The following URI1 variants were observed in gnomAD, a reference collection of about 807,000 sequenced individuals.
URI1 encodes unconventional prefoldin RPB5 interactor 1.
Under a neutral mutation model 60.2 loss-of-function variants are expected in URI1, and 39 were observed. The observed-to-expected ratio is 0.65, with a 90% CI of 0.50 to 0.85. The LOEUF is 0.85. URI1 is among the 40% of genes least tolerant of loss of function. The pLI is 0.00. For synonymous variants in URI1, 251 were observed against 236.8 expected, an observed-to-expected ratio of 1.06 and a Z score of -0.55; for missense variants, 691 against 665.9, an observed-to-expected ratio of 1.04 and a Z score of -0.42.
At chr19:29,949,068 C>T (rs563497577) in intron 1 of URI1, among the ~76,000 whole-genome samples, 81 of 149,800 alleles carry the variant, frequency 5.4e-4, no homozygotes, top group Non-Finnish European at 9.5e-4. Context: ...CCCCGCCTCC[C>T]GGACGGGGCT....
In URI1 at chr19:30,009,211, G is replaced by GTGATGATGATGATGA. The variant is rs3840928; in HGVS notation, c.906_920dup (p.Asp307_Asp311dup). 3 of 1,444,292 alleles carry GTGATGATGATGATGA rather than the reference G, an allele frequency of 2.1e-6. No homozygotes were observed. The African/African-American group carries it at 4.1e-5, about 20-fold the overall frequency. 89.5% of individuals were successfully genotyped at this position (1,444,292 alleles called of 1,614,324 possible). A position where few individuals can be genotyped will look rare whatever the true frequency, so the allele number is the denominator to read the frequency against. On this transcript the variant is annotated inframe_insertion, in exon 8 of 11. Transcript: ENST00000392271. ...GTGAATGGTTCCAGTTCTTACCACA[G>GTGATGATGATGATGA]TGATGATGATGATGATGATGATGAT...
At chr19:29,935,425 A>T (rs2054960343) in intron 1 of URI1, among the ~76,000 whole-genome samples, 1 of 152,200 alleles carries the variant, frequency 6.6e-6, no homozygotes, top group Non-Finnish European at 1.5e-5. Flanking sequence ...GTGAAAAACA[A>T]AGTATTATGA....
chr19:29,956,705 A>C, intron 1 of URI1: 1 of 1,551,688 alleles, frequency 6.4e-7, no homozygotes, highest in Non-Finnish European at 8.9e-7. Flanking sequence ...GTGAGCATAC[A>C]CAGACCTCAT....
At chr19:29,986,510 T>C in intron 4 of URI1, 93 bp downstream of exon 4, 1 of 1,447,992 alleles carries the variant, frequency 6.9e-7, no homozygotes, top group Non-Finnish European at 9.3e-7. Context: ...AAAAGTACCT[T>C]CCGTGATCTA....
intron 1 of URI1, among the ~76,000 whole-genome samples, chr19:29,948,915 C>T (rs986399790): frequency 1.3e-4 from 19 of 151,646 alleles, no homozygotes; most frequent in Non-Finnish European, 1.3e-4. Flanking sequence ...GAAGGGGCGG[C>T]CGGGCAGAGG....
intron 1 of URI1, among the ~76,000 whole-genome samples, chr19:29,947,635 C>T (rs2055119078): frequency 6.6e-6 from 1 of 152,108 alleles, no homozygotes; most frequent in Non-Finnish European, 1.5e-5. Flanking sequence ...GAAATACCTG[C>T]TCATCTGTTA....
chr19:29,989,337 T>G (rs1478492285), intron 4 of URI1, among the ~76,000 whole-genome samples: 2 of 151,930 alleles, frequency 1.3e-5, no homozygotes, highest in Non-Finnish European at 2.9e-5. Flanking sequence ...GGTCTTGAAC[T>G]CCTGACCTCA....
chr19:29,942,298 C>G lies in URI1; in HGVS notation c.-250C>G, dbSNP rs1246093342. The G allele has an allele frequency of 5.1e-6, 5 of 985,072 alleles. No homozygotes were observed. Among genetic ancestry groups the G allele is most frequent in the Non-Finnish European group, 6.0e-6 (5 of 829,692 alleles). The allele number at this position is 985,072 out of a possible 1,614,324, so 61.0% of individuals were successfully genotyped here. ...CTGGGCCCGCACCGGAGAGGCGTCT[C>G]GGTACCTGGCAGGCGGCCTGCTACT... On this transcript the variant is annotated 5_prime_UTR_variant, in exon 1 of 11. Transcript: ENST00000392271.
At position 30,013,978 on chromosome 19, in the gene URI1, A is replaced by G. The variant is rs567285553; in HGVS notation, c.1426-909A>G. Among the ~76,000 whole-genome samples, 239 of 151,944 alleles carry G rather than the reference A, an allele frequency of 1.6e-3. 1 individual carries two copies. Among genetic ancestry groups the G allele is most frequent in the African/African-American group, 5.5e-3 (227 of 41,488 alleles). ...TACGTTGTTTTAACTAATTTTGAGC[A>G]CTTGGTAGACAGAGGAGAACAAAAT... On this transcript the variant is annotated intron_variant, in intron 10 of 10. Coordinates refer to ENST00000392271, the MANE Select transcript of URI1 (RefSeq NM_003796.3).
At chr19:30,004,141 A>G (rs2055911062) in intron 4 of URI1, among the ~76,000 whole-genome samples, 1 of 152,068 alleles carries the variant, frequency 6.6e-6, no homozygotes, top group Admixed American at 6.6e-5. Context: ...GAAAAGGTCT[A>G]ATTGTTGCAG....
intron 1 of URI1, among the ~76,000 whole-genome samples, chr19:29,952,526 G>T (rs1235329847): frequency 6.6e-6 from 1 of 151,960 alleles, no homozygotes; most frequent in East Asian, 1.9e-4. Context: ...TTTCTTCTAG[G>T]ACTTAAAACA....
At chr19:29,939,269 G>T (rs538032628), upstream of URI1, among the ~76,000 whole-genome samples, 2 of 150,866 alleles carry the variant, frequency 1.3e-5, no homozygotes, top group Non-Finnish European at 2.9e-5. Context: ...GAGCCACTGC[G>T]CCTTGCCAAT....
intron 1 of URI1, among the ~76,000 whole-genome samples, chr19:29,943,911 A>T (rs1272932964): frequency 2.0e-5 from 3 of 151,542 alleles, no homozygotes; most frequent in African/African-American, 7.3e-5. Context: ...AGGTCGTGGA[A>T]TTGCTTGAAG....
intron 4 of URI1, among the ~76,000 whole-genome samples, chr19:30,003,619 A>C (rs2055903696): frequency 1.3e-5 from 2 of 152,094 alleles, no homozygotes; most frequent in East Asian, 3.9e-4. Flanking sequence ...TACATGCGTG[A>C]GTTATGATGA....
At chr19:29,933,511 T>C (rs2054940733) in intron 1 of URI1, among the ~76,000 whole-genome samples, 1 of 152,196 alleles carries the variant, frequency 6.6e-6, no homozygotes, top group Non-Finnish European at 1.5e-5. Flanking sequence ...TTAGTCAATT[T>C]TGTTGATCTT....
At chr19:29,951,228 C>A (rs908517249) in intron 1 of URI1, among the ~76,000 whole-genome samples, 1 of 152,196 alleles carries the variant, frequency 6.6e-6, no homozygotes, top group East Asian at 1.9e-4. Flanking sequence ...TGTCAAGTCT[C>A]TCCATCATAA....
In URI1 at chr19:30,005,394, T is replaced by C; in HGVS notation, c.401T>C (p.Val134Ala). 1.2e-6 allele frequency: 2 copies of C among 1,602,854 alleles called. No individual in the cohort carries two copies. Among genetic ancestry groups the C allele is most frequent in the South Asian group, 1.1e-5 (1 of 88,656 alleles). ...AAAACAATAGATGACTTAAAAAAAGTGATGAAAAATTTTGAATCCAGAGTT... is the reference window on the plus strand; with the variant it reads ...AAAACAATAGATGACTTAAAAAAAGCGATGAAAAATTTTGAATCCAGAGTT... ...VRKTIDDLKKVMKNFESRVEF... is the reference protein window; with the variant it reads ...VRKTIDDLKKAMKNFESRVEF... Residue 134 changes from valine to alanine, a missense_variant, in exon 5 of 11, where the codon GTG (valine) becomes GCG (alanine). By Grantham distance (64) the Val-to-Ala change is moderately conservative. Transcript: ENST00000392271.
At chr19:29,932,900 G>T (rs1048110040) in intron 1 of URI1, among the ~76,000 whole-genome samples, 1 of 151,856 alleles carries the variant, frequency 6.6e-6, no homozygotes, top group African/African-American at 2.4e-5. Context: ...TGATCCACCC[G>T]CCTCAGCCTC....
At chr19:29,926,822 A>G (rs925128660) in intron 1 of URI1, among the ~76,000 whole-genome samples, 1 of 152,158 alleles carries the variant, frequency 6.6e-6, no homozygotes, top group Non-Finnish European at 1.5e-5. Context: ...GTCCTGAAGG[A>G]GGAGCAAGGG....
Sources: allele counts gnomAD v4.1 joint callset (sites outside exome capture counted in the v4.1 genomes callset), GRCh38; gene constraint gnomAD v4.1.1; transcripts MANE v1.5; gene names NCBI Gene and HGNC (gene_info 2026-07-23, HGNC 2026-07-21).